Variants in EGLN3 observed in about 807,000 individuals in gnomAD.
EGLN3 encodes the protein egl-9 family hypoxia inducible factor 3, also known as prolyl hydroxylase EGLN3.
Under a neutral mutation model 26.0 loss-of-function variants are expected in EGLN3, and 15 were observed. The observed-to-expected ratio is 0.58, with a 90% CI of 0.39 to 0.89. The LOEUF (loss-of-function observed/expected upper bound fraction) is 0.89, where lower values mean the gene tolerates loss of function less well. EGLN3 is among the 40% of genes least tolerant of loss of function. EGLN3 has a pLI of 0.00. For synonymous variants in EGLN3, 147 were observed against 127.2 expected (o/e 1.16, Z -1.05); for missense variants, 238 against 311.6 (o/e 0.76, Z 1.78).
At chr14:33,938,143 G>C (rs2064455286) in intron 1 of EGLN3, among the ~76,000 whole-genome samples, 1 of 152,190 alleles carries the variant, frequency 6.6e-6, no homozygotes, top group African/African-American at 2.4e-5. Context: ...AAGTCTGCAC[G>C]AAATTCTAGG....
At chr14:33,941,183 G>GT (rs1477449682) in intron 1 of EGLN3, among the ~76,000 whole-genome samples, 1 of 152,124 alleles carries the variant, frequency 6.6e-6, no homozygotes, top group African/African-American at 2.4e-5. Context: ...CAAGTGGTAG[G>GT]TGCTGACCAA....
chr14:33,948,531 C>G (rs1276465081), intron 1 of EGLN3: 1 of 152,140 alleles, frequency 6.6e-6, no homozygotes, highest in Non-Finnish European at 1.5e-5. Context: ...GACAGGGTCA[C>G]CTGGAAAGTT....
intron 3 of EGLN3, among the ~76,000 whole-genome samples, chr14:33,927,627 G>C (rs568403661): frequency 6.0e-4 from 91 of 152,266 alleles, no homozygotes; most frequent in African/African-American, 2.2e-3. Flanking sequence ...TCCAAGTAGG[G>C]GAGACAGGTG....
intron 1 of EGLN3, among the ~76,000 whole-genome samples, chr14:33,946,559 T>A (rs539223356): frequency 2.0e-5 from 3 of 152,144 alleles, no homozygotes; most frequent in Non-Finnish European, 2.9e-5. Context: ...TCGTTCATCA[T>A]GGCACCACCA....
rs189254079 is a variant in EGLN3 at position 33,929,755 on chromosome 14, G to A, written c.478-543C>T. Among the ~76,000 whole-genome samples the A allele has an allele frequency of 4.4e-4, 67 of 152,242 alleles. No individual in the cohort carries two copies. The South Asian group carries it at 4.6e-3, about 10-fold the overall frequency. ...CCCCACAGTCATAAAGCCCATGGACGTAAAATAGAGTACTATTAGATTGAA... is the reference window on the plus strand; with the variant it reads ...CCCCACAGTCATAAAGCCCATGGACATAAAATAGAGTACTATTAGATTGAA... On this transcript the variant is annotated intron_variant, in intron 2 of 4. Transcript: ENST00000250457.
At chr14:33,940,460 C>T (rs2064474506) in intron 1 of EGLN3, among the ~76,000 whole-genome samples, 1 of 151,356 alleles carries the variant, frequency 6.6e-6, no homozygotes, top group Non-Finnish European at 1.5e-5. Flanking sequence ...AACAGGGAAA[C>T]TGTAGGAAGA....
intron 1 of EGLN3, among the ~76,000 whole-genome samples, chr14:33,943,311 T>C (rs2064496088): frequency 6.6e-6 from 1 of 152,228 alleles, no homozygotes; most frequent in African/African-American, 2.4e-5. Flanking sequence ...TATTTACAAT[T>C]CCAGTGCCTC....
intron 1 of EGLN3, among the ~76,000 whole-genome samples, chr14:33,941,842 C>A (rs761053347): frequency 1.3e-5 from 2 of 151,978 alleles, no homozygotes; most frequent in Non-Finnish European, 2.9e-5. Context: ...CACTAGAAGG[C>A]GGTAGAGATG....
intron 4 of EGLN3, 99 bp downstream of exon 4, chr14:33,926,861 C>A: frequency 3.7e-6 from 3 of 812,278 alleles, no homozygotes; most frequent in Non-Finnish European, 1.8e-6. Flanking sequence ...AAAGCTAAGC[C>A]GTAACAGATT....
chr14:33,935,104 C>A (rs142460528), intron 1 of EGLN3, among the ~76,000 whole-genome samples: 1 of 152,288 alleles, frequency 6.6e-6, no homozygotes, highest in Non-Finnish European at 1.5e-5. Flanking sequence ...AACCTAAGTA[C>A]GGGATAATCT....
chr14:33,935,895 A>G (rs2064438812), intron 1 of EGLN3, among the ~76,000 whole-genome samples: 1 of 152,036 alleles, frequency 6.6e-6, no homozygotes, highest in Non-Finnish European at 1.5e-5. Flanking sequence ...TCTCCACCAT[A>G]AGGCACAACG....
chr14:33,928,098 T>A (rs2064375021), intron 3 of EGLN3, among the ~76,000 whole-genome samples: 1 of 152,166 alleles, frequency 6.6e-6, no homozygotes, highest in South Asian at 2.1e-4. Flanking sequence ...GATTGGGGAA[T>A]AACCAAAGAC....
At chr14:33,930,950 G>A (rs878899703) in intron 2 of EGLN3, 146 bp downstream of exon 2, 62 of 1,227,722 alleles carry the variant, frequency 5.1e-5, no homozygotes, top group East Asian at 9.5e-5. Flanking sequence ...TTCCATTGTC[G>A]CAGGAGGTTA....
chr14:33,944,063 C>G (rs1033962878), intron 1 of EGLN3, among the ~76,000 whole-genome samples: 1 of 152,076 alleles, frequency 6.6e-6, no homozygotes, highest in African/African-American at 2.4e-5. Context: ...ACCTACTGAC[C>G]CTGGTCCCAG....
rs544580683 is a variant in EGLN3, at chr14:33,936,340, T to G, written c.358-5125A>C. On this transcript the variant is annotated intron_variant, in intron 1 of 4. Transcript: ENST00000250457. The stretch of plus-strand genomic sequence containing the variant: ...TCATCACAATGTAGACTGTGATAGC[T>G]GAAGTTTTCTGGCCAGAAATGGGTC... 2.0e-5 allele frequency among the ~76,000 whole-genome samples: 3 copies of G among 152,292 alleles called. No individual in the cohort carries two copies. The East Asian group carries it at 5.8e-4, about 29-fold the overall frequency.
Position 33,950,662 on chromosome 14 carries a change from G to A in EGLN3, c.91C>T (p.Leu31=). 6.2e-7 allele frequency: 1 copy of A among 1,614,070 alleles called. No homozygotes were observed. The highest frequency in any genetic ancestry group is 8.5e-7 in the Non-Finnish European group (1 of 1,179,962). Residue 31 remains leucine (L), a synonymous_variant, in exon 1 of 5, where the codon CTG becomes TTG. Coordinates refer to ENST00000250457, the MANE Select transcript of EGLN3 (RefSeq NM_022073.4). ...PCLHEVGFCY[L]DNFLGEVVGD... Reference sequence around the variant, plus strand: ...ACCACCTCGCCCAGGAAGTTGTCCAGGTAGCAGAAGCCCACCTCGTGCAGA... The same window carrying A: ...ACCACCTCGCCCAGGAAGTTGTCCAAGTAGCAGAAGCCCACCTCGTGCAGA...
intron 1 of EGLN3, among the ~76,000 whole-genome samples, chr14:33,939,604 C>A (rs1441214545): frequency 6.6e-6 from 1 of 152,176 alleles, no homozygotes; most frequent in African/African-American, 2.4e-5. Context: ...AGCAAGTTAG[C>A]GTAGATTAGA....
In EGLN3 at chr14:33,929,063, C is replaced by T. The variant is rs1279671115; in HGVS notation, c.614+13G>A. ...CCAAGCTCCGGAAGAGGAATCATGG[C>T]TCCGGCTATTACCTGGTTGCGTAAG... On this transcript the variant is annotated intron_variant, in intron 3 of 4. Transcript: ENST00000250457. The T allele has an allele frequency of 6.2e-7, 1 of 1,612,370 alleles. No homozygotes were observed. Among genetic ancestry groups the T allele is most frequent in the African/African-American group, 1.3e-5 (1 of 74,964 alleles).
rs1044211273 is a variant in EGLN3, at chr14:33,929,108, G to A, written c.582C>T (p.Asn194=). The A allele has an allele frequency of 7.4e-6, 12 of 1,614,120 alleles. No individual in the cohort carries two copies. The highest frequency in any genetic ancestry group is 1.0e-5 in the Non-Finnish European group (12 of 1,180,024). The change falls in exon 3 of 5, where the codon AAC becomes AAT. Residue 194 remains asparagine (N), a synonymous_variant. Coordinates refer to ENST00000250457, the MANE Select transcript of EGLN3 (RefSeq NM_022073.4). ...CGTAAGAGGGCTGCACTTCGTGTGG[G>A]TTCCTACGATCTGACCAGAAGAACA... ...RLLFFWSDRR[N]PHEVQPSYAT...
Sources: gnomAD v4.1 joint callset for allele counts (sites outside exome capture counted in the v4.1 genomes callset) on GRCh38, gnomAD v4.1.1 for gene constraint, MANE v1.5 for transcripts, NCBI Gene and HGNC (gene_info 2026-07-23, HGNC 2026-07-21) for gene names.